HECW1: variants seen among roughly 807,000 people sequenced by gnomAD.
HECW1 encodes the protein E3 ubiquitin-protein ligase HECW1.
Under a neutral mutation model 182.3 loss-of-function variants are expected in HECW1, and 61 were observed. The observed-to-expected ratio is 0.33, with a 90% CI of 0.27 to 0.41. The LOEUF (loss-of-function observed/expected upper bound fraction) is 0.41, where lower values mean the gene tolerates loss of function less well. HECW1 is among the 10% of genes least tolerant of loss of function. The pLI is 1.00. For synonymous variants in HECW1, 859 were observed against 832.6 expected (o/e 1.03, Z -0.55); for missense variants, 1,739 against 2,108.9 (o/e 0.82, Z 3.44).
chr7:43,383,235 A>G (rs1283919684), intron 6 of HECW1, among the ~76,000 whole-genome samples: 1 of 152,192 alleles, frequency 6.6e-6, no homozygotes, highest in African/African-American at 2.4e-5. Flanking sequence ...TCGTGCTACA[A>G]TAAACATATG....
At chr7:43,365,449 G>T (rs1307144641) in intron 6 of HECW1, among the ~76,000 whole-genome samples, 1 of 8,076 alleles carries the variant, frequency 1.2e-4, no homozygotes. Flanking sequence ...CTGAGGACAT[G>T]ACATTCCCAC....
rs183766487 is a variant in HECW1 at position 43,187,555 on chromosome 7, G to A, written c.-31-56320G>A. On this transcript the variant is annotated intron_variant, in intron 2 of 29. Transcript: ENST00000395891. The stretch of plus-strand genomic sequence containing the variant: ...ATTACCTTTTACTCATTCTAAAATC[G>A]TTTTTGTGACTTCTATTACTAATAT... Among the ~76,000 whole-genome samples the A allele has an allele frequency of 3.8e-3, 555 of 147,982 alleles. 4 individuals are homozygous for A. The highest frequency in any genetic ancestry group is 6.9e-3 in the Middle Eastern group (2 of 290).
intron 5 of HECW1, among the ~76,000 whole-genome samples, chr7:43,331,090 CTCG>C (rs1388632644): frequency 6.6e-6 from 1 of 152,032 alleles, no homozygotes; most frequent in Non-Finnish European, 1.5e-5. Context: ...CACCCATTAA[CTCG>C]TCGTTTACAT....
At chr7:43,147,189 C>G (rs1788813041) in intron 2 of HECW1, among the ~76,000 whole-genome samples, 1 of 152,012 alleles carries the variant, frequency 6.6e-6, no homozygotes, top group African/African-American at 2.4e-5. Context: ...TTTTAATGTG[C>G]CTATTCTGAT....
chr7:43,422,372 T>G (rs899560561), intron 8 of HECW1, among the ~76,000 whole-genome samples: 18 of 150,228 alleles, frequency 1.2e-4, no homozygotes, highest in East Asian at 3.9e-4. Context: ...GTTGTTGTTT[T>G]TTTTTTTTTT....
intron 2 of HECW1, among the ~76,000 whole-genome samples, chr7:43,137,202 A>G (rs1327002559): frequency 6.6e-6 from 1 of 152,172 alleles, no homozygotes; most frequent in Non-Finnish European, 1.5e-5. Context: ...ACTCCTGCTC[A>G]TCTCTTCTGC....
intron 7 of HECW1, among the ~76,000 whole-genome samples, chr7:43,407,352 A>C (rs1222303037): frequency 6.6e-6 from 1 of 151,772 alleles, no homozygotes; most frequent in Non-Finnish European, 1.5e-5. Flanking sequence ...GGACCCATCA[A>C]ATTTCCAAAG....
In HECW1 at chr7:43,444,642, A is replaced by G; in HGVS notation, c.1470A>G (p.Glu490=). 1 of 1,608,556 alleles carries G rather than the reference A, an allele frequency of 6.2e-7. No individual in the cohort carries two copies. Among genetic ancestry groups the G allele is most frequent in the South Asian group, 1.1e-5 (1 of 90,162 alleles). Residue 490 remains glutamate (E), a synonymous_variant, in exon 11 of 30, where the codon GAA becomes GAG. Coordinates refer to ENST00000395891, the MANE Select transcript of HECW1 (RefSeq NM_015052.5). This position sits in a 1 kb window ranked among gnomAD's most constrained non-coding sequence, Gnocchi z 4.3. ...CCAAGGAGGAGCCCTTGGAGGAGGAAGCAACGACCCAGAGCCGGGCTGGAA... is the reference window on the plus strand; with the variant it reads ...CCAAGGAGGAGCCCTTGGAGGAGGAGGCAACGACCCAGAGCCGGGCTGGAA... ...ASTKEEPLEE[E]ATTQSRAGRE... is the part of the protein sequence containing the mutation.
At chr7:43,425,123 C>T (rs917295439) in intron 8 of HECW1, among the ~76,000 whole-genome samples, 3 of 152,028 alleles carry the variant, frequency 2.0e-5, no homozygotes, top group Non-Finnish European at 4.4e-5. Flanking sequence ...ATGGCAAAGC[C>T]ATAAAGCCAT....
At chr7:43,386,883 TAGC>T (rs1468539850) in intron 6 of HECW1, among the ~76,000 whole-genome samples, 2 of 152,182 alleles carry the variant, frequency 1.3e-5, no homozygotes, top group African/African-American at 4.8e-5. Context: ...ATAATTAAAA[TAGC>T]AGCTTGACAT....
intron 6 of HECW1, among the ~76,000 whole-genome samples, chr7:43,383,702 G>A (rs2074651763): frequency 6.6e-6 from 1 of 152,062 alleles, no homozygotes; most frequent in African/African-American, 2.4e-5. Context: ...AAATGCAGTT[G>A]GCCCTTGAAC....
intron 3 of HECW1, among the ~76,000 whole-genome samples, chr7:43,303,317 G>A (rs1807104093): frequency 6.6e-6 from 1 of 151,702 alleles, no homozygotes; most frequent in Non-Finnish European, 1.5e-5. Context: ...GAGCGACAAG[G>A]AGCAAAGACC....
In HECW1 at chr7:43,160,015, G is replaced by C. The variant is rs960992791; in HGVS notation, c.-32+45624G>C. On this transcript the variant is annotated intron_variant, in intron 2 of 29. Coordinates refer to ENST00000395891, the MANE Select transcript of HECW1 (RefSeq NM_015052.5). ...AATATAGTACATACATTATTTTCTTGTTTATTAAAATCCTCACCAATTGAT... is the reference window on the plus strand; with the variant it reads ...AATATAGTACATACATTATTTTCTTCTTTATTAAAATCCTCACCAATTGAT... Among the ~76,000 whole-genome samples, 6 of 152,196 alleles carry C rather than the reference G, an allele frequency of 3.9e-5. No homozygotes were observed. The South Asian group carries it at 1.0e-3, about 26-fold the overall frequency.
At chr7:43,516,647 G>A (rs891419917) in intron 24 of HECW1, among the ~76,000 whole-genome samples, 5 of 152,132 alleles carry the variant, frequency 3.3e-5, no homozygotes, top group African/African-American at 7.2e-5. Flanking sequence ...GAATACCAGC[G>A]CCTCAGACAC....
At chr7:43,367,168 GA>G (rs1816756003) in intron 6 of HECW1, among the ~76,000 whole-genome samples, 1 of 152,154 alleles carries the variant, frequency 6.6e-6, no homozygotes, top group Non-Finnish European at 1.5e-5. Flanking sequence ...TCTGATTTTG[GA>G]AACTTGGCCC....
At chr7:43,349,426 A>T (rs1814109558) in intron 5 of HECW1, among the ~76,000 whole-genome samples, 1 of 152,184 alleles carries the variant, frequency 6.6e-6, no homozygotes, top group African/African-American at 2.4e-5. Flanking sequence ...TCCTGTCTTA[A>T]TGACCTGTCT....
intron 2 of HECW1, among the ~76,000 whole-genome samples, chr7:43,143,114 G>T (rs1034207262): frequency 1.3e-5 from 2 of 152,158 alleles, no homozygotes; most frequent in Non-Finnish European, 2.9e-5. Context: ...GGGATCACAG[G>T]TGCATGCCAC....
intron 2 of HECW1, among the ~76,000 whole-genome samples, chr7:43,197,679 G>A (rs990124332): frequency 6.6e-6 from 1 of 152,180 alleles, no homozygotes; most frequent in Non-Finnish European, 1.5e-5. Context: ...TGCCCACTGG[G>A]AGAGGAGCGG....
At chr7:43,561,554 A>T (rs79492572) in intron 29 of HECW1, among the ~76,000 whole-genome samples, 5 of 152,208 alleles carry the variant, frequency 3.3e-5, no homozygotes, top group Non-Finnish European at 5.9e-5. Flanking sequence ...AGAGTTTATA[A>T]TCAGTTTGCT....
Sources: allele counts gnomAD v4.1 joint callset (sites outside exome capture counted in the v4.1 genomes callset), GRCh38; gene constraint gnomAD v4.1.1; non-coding constraint Gnocchi (gnomAD v3.1); transcripts MANE v1.5; gene names NCBI Gene and HGNC (gene_info 2026-07-23, HGNC 2026-07-21).